The following REEP3 variants were observed in gnomAD, a reference collection of about 807,000 sequenced individuals.
The protein encoded by REEP3 is receptor expression-enhancing protein 3.
REEP3 carries 20 observed loss-of-function variants against 41.3 expected under a neutral mutation model. That is an observed-to-expected ratio of 0.48 (90% CI 0.34 to 0.70). The LOEUF is 0.70. Ranked by LOEUF, REEP3 falls within the 30% of genes least tolerant of loss-of-function variation. The pLI is 0.01. For synonymous variants in REEP3, 104 were observed against 101.8 expected, an observed-to-expected ratio of 1.02 and a Z score of -0.13; for missense variants, 271 against 308.8, an observed-to-expected ratio of 0.88 and a Z score of 0.92.
intron 6 of REEP3, among the ~76,000 whole-genome samples, chr10:63,613,366 A>G (rs993624355): frequency 2.0e-5 from 3 of 152,212 alleles, no homozygotes; most frequent in African/African-American, 7.2e-5. Context: ...CCTGCTGTTT[A>G]GTTCTTAAAT....
chr10:63,533,038 T>C (rs534533890), intron 1 of REEP3, among the ~76,000 whole-genome samples: 2 of 152,360 alleles, frequency 1.3e-5, no homozygotes, highest in South Asian at 2.1e-4. Flanking sequence ...CCAGTTTTAT[T>C]CCATATATTG....
intron 3 of REEP3, among the ~76,000 whole-genome samples, chr10:63,597,257 A>T (rs570486318): frequency 6.6e-6 from 1 of 152,172 alleles, no homozygotes; most frequent in Admixed American, 6.5e-5. Flanking sequence ...TGGAAGGGAT[A>T]TTTTTTCGGA....
chr10:63,564,920 A>G (rs768220464), intron 1 of REEP3, among the ~76,000 whole-genome samples: 2 of 152,228 alleles, frequency 1.3e-5, no homozygotes, highest in Non-Finnish European at 2.9e-5. Flanking sequence ...GGAATTGTTT[A>G]CATAAAGTAA....
intron 2 of REEP3, among the ~76,000 whole-genome samples, chr10:63,594,526 T>A (rs1343730976): frequency 1.3e-5 from 2 of 152,200 alleles, no homozygotes; most frequent in Non-Finnish European, 2.9e-5. Context: ...TTGTATCAAG[T>A]CCCAGAGATT....
At chr10:63,573,977 T>G (rs974950741) in intron 2 of REEP3, among the ~76,000 whole-genome samples, 3 of 152,324 alleles carry the variant, frequency 2.0e-5, no homozygotes, top group African/African-American at 7.2e-5. Context: ...TAGTTTTTAT[T>G]TTTATCAAAG....
intron 2 of REEP3, among the ~76,000 whole-genome samples, chr10:63,588,529 C>G (rs1956028439): frequency 6.6e-6 from 1 of 152,042 alleles, no homozygotes; most frequent in Admixed American, 6.6e-5. Context: ...TTTTGCAGTT[C>G]TTACCAAAAG....
chr10:63,609,173 C>G (rs1032117510), intron 5 of REEP3, among the ~76,000 whole-genome samples: 2 of 152,144 alleles, frequency 1.3e-5, no homozygotes, highest in African/African-American at 4.8e-5. Flanking sequence ...TTGCCCTTGG[C>G]CGGGCACGGT....
At position 63,617,952 on chromosome 10, in the gene REEP3, G is replaced by A. The variant is rs1424977269; in HGVS notation, c.566-1703G>A. Among the ~76,000 whole-genome samples, 3 of 150,232 alleles carry A rather than the reference G, an allele frequency of 2.0e-5. No homozygotes were observed. The Admixed American group carries it at 2.0e-4, about 10-fold the overall frequency. On this transcript the variant is annotated intron_variant, in intron 6 of 7. Coordinates refer to ENST00000373758, the MANE Select transcript of REEP3 (RefSeq NM_001001330.3). The stretch of plus-strand genomic sequence containing the variant: ...CGATTCTCCTGCCTCAGCCTCCCAA[G>A]TAGCTGGGATTACAGACTCCTGCCA...
intron 1 of REEP3, among the ~76,000 whole-genome samples, chr10:63,533,710 C>CTTTTTGTTTTTTTTTTTTTTT (rs1955446949): frequency 9.9e-6 from 1 of 101,070 alleles, no homozygotes; most frequent in Non-Finnish European, 2.2e-5. Context: ...GTATGTAAAT[C>CTTTTTGTTTTTTTTTTTTTTT]TTTTTTTTTT....
At chr10:63,613,918 A>C (rs904790925) in intron 6 of REEP3, among the ~76,000 whole-genome samples, 2 of 152,218 alleles carry the variant, frequency 1.3e-5, no homozygotes, top group Admixed American at 1.3e-4. Flanking sequence ...AAAATTTCTT[A>C]AGCATGATAT....
intron 1 of REEP3, among the ~76,000 whole-genome samples, chr10:63,542,909 A>G (rs560678924): frequency 4.6e-5 from 7 of 152,208 alleles, no homozygotes; most frequent in Non-Finnish European, 1.0e-4. Flanking sequence ...TTCAAGGTAC[A>G]GGATGCCACA....
At chr10:63,542,511 T>C (rs538489528) in intron 1 of REEP3, among the ~76,000 whole-genome samples, 3 of 152,250 alleles carry the variant, frequency 2.0e-5, no homozygotes. Context: ...TATATCCTTA[T>C]GATACAAAGA....
At chr10:63,577,600 C>CTTTTTTCT (rs1267906531) in intron 2 of REEP3, among the ~76,000 whole-genome samples, 3 of 151,934 alleles carry the variant, frequency 2.0e-5, no homozygotes, top group Admixed American at 2.0e-4. Flanking sequence ...TTTTTCTTTT[C>CTTTTTTCT]TTTTTTCTTT....
In REEP3 at chr10:63,620,842, G is replaced by T. The variant is rs201536406; in HGVS notation, c.741G>T (p.Val247=). The T allele has an allele frequency of 6.2e-7, 1 of 1,608,180 alleles. No individual in the cohort carries two copies. Among genetic ancestry groups the T allele is most frequent in the African/African-American group, 1.3e-5 (1 of 74,924 alleles). Reference sequence around the variant, plus strand: ...GGTACGGGTCACTAAAATACAAAGTGAAGAAACGACCACAAGTGTATTTTT... The same window carrying T: ...GGTACGGGTCACTAAAATACAAAGTTAAGAAACGACCACAAGTGTATTTTT... ...EVRYGSLKYK[V]KKRPQVYF Residue 247 remains valine, a synonymous_variant, in exon 8 of 8, where the codon GTG becomes GTT. Transcript: ENST00000373758.
At position 63,612,332 on chromosome 10, in the gene REEP3, C is replaced by G. The variant is rs375140190; in HGVS notation, c.565+1998C>G. Reference sequence around the variant, plus strand: ...GACTACAGGTGTGCACCACCATGCCCTGCTAATTTTTCCATTTTTTGTAGA... The same window carrying G: ...GACTACAGGTGTGCACCACCATGCCGTGCTAATTTTTCCATTTTTTGTAGA... On this transcript the variant is annotated intron_variant, in intron 6 of 7. Transcript: ENST00000373758. Among the ~76,000 whole-genome samples, 9 of 152,080 alleles carry G rather than the reference C, an allele frequency of 5.9e-5. No homozygotes were observed. In the East Asian group the frequency reaches 1.7e-3, roughly 29 times the overall value.
At chr10:63,524,197 G>A (rs1955335747) in intron 1 of REEP3, among the ~76,000 whole-genome samples, 1 of 141,908 alleles carries the variant, frequency 7.0e-6, no homozygotes, top group African/African-American at 2.6e-5. Context: ...ACATGAAAGA[G>A]CAATCACAGG....
At chr10:63,529,276 T>G (rs1448267321) in intron 1 of REEP3, among the ~76,000 whole-genome samples, 1 of 152,210 alleles carries the variant, frequency 6.6e-6, no homozygotes, top group Non-Finnish European at 1.5e-5. Context: ...TTATTCCAGA[T>G]AGGGAAAAGA....
chr10:63,619,220 C>A (rs776817842), intron 6 of REEP3, among the ~76,000 whole-genome samples: 16 of 152,132 alleles, frequency 1.1e-4, no homozygotes, highest in Admixed American at 3.3e-4. Flanking sequence ...ACACATAGAA[C>A]GGAAAAGCCT....
intron 1 of REEP3, among the ~76,000 whole-genome samples, chr10:63,551,002 T>C (rs1406157356): frequency 3.3e-5 from 5 of 151,880 alleles, no homozygotes; most frequent in Admixed American, 2.6e-4. Context: ...AAACAGACAA[T>C]TAACATATAA....
Sources: gnomAD v4.1 joint callset for allele counts (sites outside exome capture counted in the v4.1 genomes callset) on GRCh38, gnomAD v4.1.1 for gene constraint, MANE v1.5 for transcripts, NCBI Gene and HGNC (gene_info 2026-07-23, HGNC 2026-07-21) for gene names.